The following TMEM135 variants were observed in gnomAD, a reference collection of about 807,000 sequenced individuals.
TMEM135 encodes the protein peroxisomal membrane protein 52.
A neutral mutation model predicts 60.3 loss-of-function variants in TMEM135; 30 were observed. That is an observed-to-expected ratio of 0.50 (90% confidence interval 0.37 to 0.68). TMEM135 has a LOEUF of 0.68. Among genes scored for constraint, TMEM135 ranks in the 30% least tolerant of loss-of-function variants. The pLI, the probability that TMEM135 is intolerant of heterozygous loss-of-function variation, is 0.00. For missense variants in TMEM135, 468 were observed against 548.8 expected, an observed-to-expected ratio of 0.85 and a Z score of 1.47; for synonymous variants, 190 against 186.7, an observed-to-expected ratio of 1.02 and a Z score of -0.14.
chr11:87,158,686 G>A (rs1216562234), intron 5 of TMEM135, among the ~76,000 whole-genome samples: 1 of 151,958 alleles, frequency 6.6e-6, no homozygotes, highest in African/African-American at 2.4e-5. Flanking sequence ...GGATGGTCTC[G>A]ATCTCCTGAC....
chr11:87,217,102 G>A (rs1315085591), intron 5 of TMEM135, among the ~76,000 whole-genome samples: 3 of 152,156 alleles, frequency 2.0e-5, no homozygotes, highest in African/African-American at 4.8e-5. Context: ...AAAGAAAAAT[G>A]TAATAAATAA....
intron 3 of TMEM135, among the ~76,000 whole-genome samples, chr11:87,087,966 G>A (rs1034436289): frequency 4.6e-5 from 7 of 152,064 alleles, no homozygotes; most frequent in African/African-American, 1.2e-4. Context: ...TCGAACTGCC[G>A]ATCCCAGGTG....
chr11:87,191,977 C>CT (rs1939810778), intron 5 of TMEM135, among the ~76,000 whole-genome samples: 1 of 87,974 alleles, frequency 1.1e-5, no homozygotes, highest in Non-Finnish European at 2.3e-5. Context: ...TGTTTCTTTT[C>CT]TTTTCTTTTC....
chr11:87,189,709 A>G (rs1334057834), intron 5 of TMEM135, among the ~76,000 whole-genome samples: 1 of 150,838 alleles, frequency 6.6e-6, no homozygotes, highest in African/African-American at 2.4e-5. Context: ...CTTGAGCCCA[A>G]GAGTTTGAGA....
intron 3 of TMEM135, among the ~76,000 whole-genome samples, chr11:87,080,978 G>T (rs965468746): frequency 6.6e-6 from 1 of 152,148 alleles, no homozygotes; most frequent in Non-Finnish European, 1.5e-5. Flanking sequence ...GAGCCACCGC[G>T]CCTGGCCTAT....
intron 9 of TMEM135, 125 bp downstream of exon 9, chr11:87,306,130 A>T (rs1942538822): frequency 1.9e-6 from 1 of 537,430 alleles, no homozygotes; most frequent in African/African-American, 1.9e-5. Context: ...CATTCTTTGA[A>T]TTTGACTTCA....
intron 4 of TMEM135, among the ~76,000 whole-genome samples, chr11:87,122,624 C>G (rs1266182535): frequency 3.3e-5 from 5 of 151,954 alleles, no homozygotes; most frequent in African/African-American, 1.2e-4. Context: ...CCATGCCTAG[C>G]TAATGTCTGT....
At position 87,038,609 on chromosome 11, in the gene TMEM135, C is replaced by CTTTTT. The variant is rs3045930; in HGVS notation, c.141+439_141+443dup. On this transcript the variant is annotated intron_variant, in intron 1 of 14. Transcript: ENST00000305494. ...ATCTAGTTTCCCCTGTTTTATTTTG[C>CTTTTT]TTTTTTTTTTTTTTTTTTTTAATGA... 8.3e-3 allele frequency among the ~76,000 whole-genome samples: 948 copies of CTTTTT among 113,850 alleles called. 19 individuals are homozygous for CTTTTT. Among genetic ancestry groups the CTTTTT allele is most frequent in the African/African-American group, 0.023 (680 of 30,004 alleles). The allele number at this position is 113,850 out of a possible 152,430, so 74.7% of individuals were successfully genotyped here. A position where few individuals can be genotyped will look rare whatever the true frequency, so the allele number is the denominator to read the frequency against.
chr11:87,141,733 T>G (rs1938267367), intron 4 of TMEM135, among the ~76,000 whole-genome samples: 2 of 152,124 alleles, frequency 1.3e-5, no homozygotes, highest in African/African-American at 4.8e-5. Context: ...TTTCATTCCA[T>G]AGCAGTGTCT....
At chr11:87,260,210 C>T (rs1245615048) in intron 6 of TMEM135, among the ~76,000 whole-genome samples, 1 of 152,174 alleles carries the variant, frequency 6.6e-6, no homozygotes. Flanking sequence ...ATCACAAAAG[C>T]ATCCAGTTCT....
chr11:87,056,067 C>G (rs1949891770), intron 1 of TMEM135, among the ~76,000 whole-genome samples: 1 of 152,186 alleles, frequency 6.6e-6, no homozygotes, highest in Admixed American at 6.5e-5. Context: ...GAGGTGTGCT[C>G]TGCTACAAGG....
intron 1 of TMEM135, among the ~76,000 whole-genome samples, chr11:87,045,989 G>T (rs187713772): frequency 1.3e-5 from 2 of 152,184 alleles, no homozygotes; most frequent in Admixed American, 6.5e-5. Flanking sequence ...TTCTTACATT[G>T]AGTTTATAGT....
intron 5 of TMEM135, among the ~76,000 whole-genome samples, chr11:87,233,462 A>G (rs981378737): frequency 1.2e-4 from 18 of 152,126 alleles, no homozygotes; most frequent in African/African-American, 4.1e-4. Context: ...TTACCATCCA[A>G]CAAATAATGG....
intron 6 of TMEM135, among the ~76,000 whole-genome samples, chr11:87,258,409 C>T (rs1941574431): frequency 6.6e-6 from 1 of 152,094 alleles, no homozygotes; most frequent in Non-Finnish European, 1.5e-5. Context: ...CATTACACCA[C>T]AGTTGTAATG....
intron 4 of TMEM135, among the ~76,000 whole-genome samples, chr11:87,143,289 G>T (rs1938316526): frequency 6.6e-6 from 1 of 150,648 alleles, no homozygotes; most frequent in East Asian, 1.9e-4. Flanking sequence ...AAGCTATTTT[G>T]ACATCTTTGT....
rs1436966133 is a variant in TMEM135 at position 87,326,413 on chromosome 11, T to C, written c.*5080T>C. The C allele has an allele frequency of 6.6e-6, 3 of 453,966 alleles. No homozygotes were observed. The highest frequency in any genetic ancestry group is 1.3e-5 in the Non-Finnish European group (3 of 226,796). 28.1% of individuals were successfully genotyped at this position (453,966 alleles called of 1,614,324 possible). ...CTAGTTCTTCAGTGTCTATTAAACT[T>C]TTTCCAGTAGTTAATCGATCTCTTA... On this transcript the variant is annotated 3_prime_UTR_variant, in exon 15 of 15. Coordinates refer to ENST00000305494, the MANE Select transcript of TMEM135 (RefSeq NM_022918.4).
In TMEM135 at chr11:87,168,425, T is replaced by A. The variant is rs1591072560; in HGVS notation, c.462+11019T>A. ...GTGTTGATTTTAGATCTTTCCCACGTGCTTCTGTGGGCATTTGGTGCTATA... is the reference window on the plus strand; with the variant it reads ...GTGTTGATTTTAGATCTTTCCCACGAGCTTCTGTGGGCATTTGGTGCTATA... On this transcript the variant is annotated intron_variant, in intron 5 of 14. Transcript: ENST00000305494. Among the ~76,000 whole-genome samples the A allele has an allele frequency of 2.0e-5, 3 of 152,334 alleles. 1 individual carries two copies. The South Asian group carries it at 6.2e-4, about 32-fold the overall frequency.
intron 6 of TMEM135, among the ~76,000 whole-genome samples, chr11:87,272,910 T>G (rs113472121): frequency 0.034 from 5,165 of 152,284 alleles, 278 homozygotes; most frequent in African/African-American, 0.11. Flanking sequence ...TTAAAATGTC[T>G]TAGTACATTA....
At chr11:87,073,759 C>G (rs1339062832) in intron 3 of TMEM135, among the ~76,000 whole-genome samples, 1 of 151,988 alleles carries the variant, frequency 6.6e-6, no homozygotes, top group Non-Finnish European at 1.5e-5. Flanking sequence ...CTTCTGCCTC[C>G]CAGGTTCAAG....
Sources: gnomAD v4.1 joint callset for allele counts (sites outside exome capture counted in the v4.1 genomes callset) on GRCh38, gnomAD v4.1.1 for gene constraint, MANE v1.5 for transcripts, NCBI Gene and HGNC (gene_info 2026-07-23, HGNC 2026-07-21) for gene names.